Variants in ATP8B4 observed in about 807,000 individuals in gnomAD.
The protein encoded by ATP8B4 is ATPase phospholipid transporting 8B4 (putative).
Under a neutral mutation model 145.6 loss-of-function variants are expected in ATP8B4, and 133 were observed. That is an observed-to-expected ratio of 0.91 (90% CI 0.79 to 1.05). ATP8B4 has a LOEUF of 1.05. ATP8B4 is among the 50% of genes least tolerant of loss of function. The pLI, the probability that ATP8B4 is intolerant of heterozygous loss-of-function variation, is 0.00. For synonymous variants in ATP8B4, 507 were observed against 492.9 expected (o/e 1.03, Z -0.38); for missense variants, 1,458 against 1,425.2 (o/e 1.02, Z -0.37).
intron 16 of ATP8B4, among the ~76,000 whole-genome samples, chr15:49,929,156 C>T (rs1480431473): frequency 3.3e-5 from 5 of 152,068 alleles, no homozygotes; most frequent in African/African-American, 9.7e-5. Flanking sequence ...AGTGAGTGAG[C>T]TATAATAGGC....
chr15:50,063,511 T>A (rs76104653), intron 3 of ATP8B4, among the ~76,000 whole-genome samples: 8,161 of 152,182 alleles, frequency 0.054, 243 homozygotes, highest in Non-Finnish European at 0.064. Flanking sequence ...AAGTGCCTAT[T>A]ATGTGCCAAC....
chr15:49,929,554 T>A (rs1321224961), intron 16 of ATP8B4, among the ~76,000 whole-genome samples: 1 of 152,012 alleles, frequency 6.6e-6, no homozygotes, highest in Non-Finnish European at 1.5e-5. Context: ...GCTAAACAGC[T>A]GTATAAGAAG....
chr15:49,861,729 C>T (rs555553868), intron 27 of ATP8B4, among the ~76,000 whole-genome samples: 23 of 152,306 alleles, frequency 1.5e-4, no homozygotes, highest in African/African-American at 5.5e-4. Flanking sequence ...TTCCTATTTT[C>T]CTTCCAAGTG....
chr15:49,869,304 ATAATAT>A (rs747778705), intron 25 of ATP8B4, among the ~76,000 whole-genome samples: 27 of 152,270 alleles, frequency 1.8e-4, no homozygotes, highest in Non-Finnish European at 2.4e-4. Context: ...TAATCAGAAA[ATAATAT>A]TAATATAGCA....
At chr15:49,933,192 A>G (rs1332809506) in intron 15 of ATP8B4, among the ~76,000 whole-genome samples, 1 of 152,082 alleles carries the variant, frequency 6.6e-6, no homozygotes, top group African/African-American at 2.4e-5. Context: ...GAAACAATGC[A>G]GAATAAGATC....
In ATP8B4 at chr15:49,859,675, T is replaced by C. The variant is rs1468160205; in HGVS notation, c.*519A>G. The stretch of plus-strand genomic sequence containing the variant: ...TCCTGGCTGAACAGACAGGTAGATA[T>C]CAAGACTAAAGAGTGACATGCAACT... On this transcript the variant is annotated 3_prime_UTR_variant, in exon 28 of 28. Transcript: ENST00000284509. 6.5e-6 allele frequency: 1 copy of C among 153,222 alleles called. No homozygotes were observed. Among genetic ancestry groups the C allele is most frequent in the Non-Finnish European group, 1.5e-5 (1 of 68,808 alleles). The allele number at this position is 153,222 out of a possible 1,614,324, so 9.5% of individuals were successfully genotyped here.
intron 1 of ATP8B4, among the ~76,000 whole-genome samples, chr15:50,174,744 C>A (rs2044737696): frequency 6.6e-6 from 1 of 151,968 alleles, no homozygotes; most frequent in Non-Finnish European, 1.5e-5. Context: ...AAATTCAAGA[C>A]AATCCCCATC....
intron 3 of ATP8B4, among the ~76,000 whole-genome samples, chr15:50,065,040 G>A (rs983499169): frequency 1.3e-5 from 2 of 152,030 alleles, no homozygotes; most frequent in African/African-American, 4.8e-5. Flanking sequence ...CATGAGATTT[G>A]GTGGGAACAC....
In ATP8B4 at chr15:50,116,770, T is replaced by C. The variant is rs1411458140; in HGVS notation, c.-43+2353A>G. 3.3e-5 allele frequency among the ~76,000 whole-genome samples: 5 copies of C among 152,112 alleles called. No homozygotes were observed. In the East Asian group the frequency reaches 5.8e-4, roughly 18 times the overall value. ...AGGCATCTAGTACAGTGCCCGGCAC[T>C]GGGTAGGTACTCAAACTCCAGTTGA... On this transcript the variant is annotated intron_variant, in intron 1 of 27. Coordinates refer to ENST00000284509, the MANE Select transcript of ATP8B4 (RefSeq NM_024837.4).
At chr15:49,991,119 T>C (rs2047012869) in intron 9 of ATP8B4, among the ~76,000 whole-genome samples, 1 of 152,172 alleles carries the variant, frequency 6.6e-6, no homozygotes, top group Admixed American at 6.6e-5. Flanking sequence ...TGTTGGGTTG[T>C]GCTCCAGTCC....
chr15:49,908,979 C>T (rs1566968330), intron 20 of ATP8B4, among the ~76,000 whole-genome samples: 3 of 152,182 alleles, frequency 2.0e-5, no homozygotes, highest in Non-Finnish European at 2.9e-5. Flanking sequence ...GCAGCCAGCA[C>T]GGCCAGAGTG....
At chr15:50,073,013 T>TACACAC (rs2053933557) in intron 3 of ATP8B4, among the ~76,000 whole-genome samples, 1 of 40,594 alleles carries the variant, frequency 2.5e-5, no homozygotes, top group African/African-American at 1.2e-4. Flanking sequence ...TATATATATA[T>TACACAC]ATATATACAC....
intron 13 of ATP8B4, among the ~76,000 whole-genome samples, chr15:49,967,148 C>T (rs916925462): frequency 1.3e-5 from 2 of 152,188 alleles, no homozygotes; most frequent in Non-Finnish European, 2.9e-5. Context: ...GTAGATAAAT[C>T]CATGAAGATG....
intron 23 of ATP8B4, 99 bp downstream of exon 23, chr15:49,897,193 C>A: frequency 8.6e-7 from 1 of 1,160,498 alleles, no homozygotes; most frequent in South Asian, 1.4e-5. Flanking sequence ...TTAAAAAATG[C>A]TCTGAATTTA....
At chr15:50,153,679 A>G (rs2153681053) in intron 1 of ATP8B4, among the ~76,000 whole-genome samples, 1 of 152,342 alleles carries the variant, frequency 6.6e-6, no homozygotes, top group Non-Finnish European at 1.5e-5. Flanking sequence ...GCAATGATGC[A>G]CGACCTACAA....
chr15:50,102,055 G>A (rs1422151292), intron 2 of ATP8B4, among the ~76,000 whole-genome samples: 2 of 152,028 alleles, frequency 1.3e-5, no homozygotes, highest in Non-Finnish European at 2.9e-5. Flanking sequence ...CAATAATAGT[G>A]ACACAACCTA....
At chr15:49,944,932 G>A (rs2042441853) in intron 14 of ATP8B4, among the ~76,000 whole-genome samples, 1 of 152,116 alleles carries the variant, frequency 6.6e-6, no homozygotes, top group African/African-American at 2.4e-5. Flanking sequence ...TCACCAAAAT[G>A]TGGAAATTAA....
intron 20 of ATP8B4, among the ~76,000 whole-genome samples, chr15:49,906,895 T>C (rs952976949): frequency 6.6e-6 from 1 of 152,132 alleles, no homozygotes; most frequent in African/African-American, 2.4e-5. Context: ...CGCCCCTGGA[T>C]TGGTAGTGGA....
intron 14 of ATP8B4, among the ~76,000 whole-genome samples, chr15:49,948,388 G>T (rs1024559256): frequency 6.6e-6 from 1 of 152,098 alleles, no homozygotes; most frequent in East Asian, 1.9e-4. Flanking sequence ...GATGGAGGTT[G>T]CAGTGAGCCA....
Sources: gnomAD v4.1 joint callset for allele counts (sites outside exome capture counted in the v4.1 genomes callset) on GRCh38, gnomAD v4.1.1 for gene constraint, MANE v1.5 for transcripts, NCBI Gene and HGNC (gene_info 2026-07-23, HGNC 2026-07-21) for gene names.